ZFAND3: variants seen among roughly 807,000 people sequenced by gnomAD.
ZFAND3 encodes AN1-type zinc finger protein 3.
In ZFAND3, 10 loss-of-function variants were observed where a neutral mutation model predicts 29.6. The observed-to-expected ratio is 0.34, with a 90% CI of 0.21 to 0.57. ZFAND3 has a LOEUF of 0.57. Among genes scored for constraint, ZFAND3 ranks in the 20% least tolerant of loss-of-function variants. ZFAND3 has a pLI of 0.86. For missense variants in ZFAND3, 230 were observed against 304.5 expected (o/e 0.76, Z 1.82); for synonymous variants, 128 against 112.6 (o/e 1.14, Z -0.87).
At chr6:37,882,399 A>G (rs944447274) in intron 1 of ZFAND3, among the ~76,000 whole-genome samples, 1 of 152,002 alleles carries the variant, frequency 6.6e-6, no homozygotes, top group Non-Finnish European at 1.5e-5. Flanking sequence ...TTGCCCAAGG[A>G]TAGGATACTT....
chr6:37,881,830 T>G (rs1764901509), intron 1 of ZFAND3, among the ~76,000 whole-genome samples: 1 of 152,080 alleles, frequency 6.6e-6, no homozygotes, highest in African/African-American at 2.4e-5. Flanking sequence ...CTGTTTGTAT[T>G]TAGAATTTCA....
In ZFAND3 at chr6:37,985,550, C is replaced by T. The variant is rs747405626; in HGVS notation, c.112+55551C>T. 4.6e-5 allele frequency among the ~76,000 whole-genome samples: 7 copies of T among 151,818 alleles called. No individual in the cohort carries two copies. In the South Asian group the frequency reaches 6.3e-4, roughly 14 times the overall value. On this transcript the variant is annotated intron_variant, in intron 2 of 5. Transcript: ENST00000287218. ...ACACCCCCACACACGCCTGGTGGCACGTGCTTGTGGTTCCAGCTACTCAGG... is the reference window on the plus strand; with the variant it reads ...ACACCCCCACACACGCCTGGTGGCATGTGCTTGTGGTTCCAGCTACTCAGG...
intron 3 of ZFAND3, among the ~76,000 whole-genome samples, chr6:38,075,692 A>G (rs1399046597): frequency 6.6e-6 from 1 of 152,224 alleles, no homozygotes; most frequent in Non-Finnish European, 1.5e-5. Context: ...AATGCTGTCA[A>G]ACAGCATTAC....
At chr6:38,074,247 C>T (rs1164797592) in intron 3 of ZFAND3, among the ~76,000 whole-genome samples, 1 of 152,176 alleles carries the variant, frequency 6.6e-6, no homozygotes, top group African/African-American at 2.4e-5. Flanking sequence ...CAGATATAGA[C>T]ATGAAAATCC....
intron 2 of ZFAND3, among the ~76,000 whole-genome samples, chr6:37,985,211 T>C (rs963568011): frequency 1.7e-4 from 26 of 152,136 alleles, no homozygotes; most frequent in African/African-American, 5.8e-4. Context: ...TAGTCACGGC[T>C]TCTTAGGAGG....
At chr6:37,914,254 A>C (rs1761189902) in intron 1 of ZFAND3, among the ~76,000 whole-genome samples, 1 of 152,120 alleles carries the variant, frequency 6.6e-6, no homozygotes, top group Admixed American at 6.5e-5. Flanking sequence ...GTGGGCTTAA[A>C]ATATTCAGTA....
At chr6:38,149,870 A>G (rs560039854) in intron 5 of ZFAND3, among the ~76,000 whole-genome samples, 10 of 152,308 alleles carry the variant, frequency 6.6e-5, no homozygotes, top group Middle Eastern at 3.4e-3. Context: ...GACCTTCTGA[A>G]TCATCCCAAT....
chr6:38,020,498 T>G (rs1763330294), intron 2 of ZFAND3, among the ~76,000 whole-genome samples: 6 of 152,226 alleles, frequency 3.9e-5, no homozygotes, highest in Admixed American at 3.3e-4. Context: ...ATTGCATTAT[T>G]TATAAATAAA....
chr6:38,140,832 A>G lies in ZFAND3; in HGVS notation c.530-11403A>G, dbSNP rs192741964. On this transcript the variant is annotated intron_variant, in intron 5 of 5. Coordinates refer to ENST00000287218, the MANE Select transcript of ZFAND3 (RefSeq NM_021943.3). ...CTATCCATTCAGTAGGGCTTTCACT[A>G]TAGTGTGTAGTCTGACTTCAGATTT... Among the ~76,000 whole-genome samples, 8 of 152,270 alleles carry G rather than the reference A, an allele frequency of 5.3e-5. No homozygotes were observed. The East Asian group carries it at 1.2e-3, about 22-fold the overall frequency.
At chr6:37,989,740 A>G (rs1199658425) in intron 2 of ZFAND3, among the ~76,000 whole-genome samples, 1 of 152,224 alleles carries the variant, frequency 6.6e-6, no homozygotes, top group East Asian at 1.9e-4. Flanking sequence ...AGGAACAGCC[A>G]AGAAGCCAGT....
intron 2 of ZFAND3, among the ~76,000 whole-genome samples, chr6:38,050,644 C>T (rs1764008742): frequency 6.6e-6 from 1 of 152,144 alleles, no homozygotes; most frequent in South Asian, 2.1e-4. Flanking sequence ...CTGAGGCCTT[C>T]CCATCCATGT....
At chr6:38,037,582 G>T (rs985395951) in intron 2 of ZFAND3, among the ~76,000 whole-genome samples, 1 of 152,188 alleles carries the variant, frequency 6.6e-6, no homozygotes, top group Non-Finnish European at 1.5e-5. Flanking sequence ...ACAGGTAAAA[G>T]GTATACATGC....
intron 1 of ZFAND3, among the ~76,000 whole-genome samples, chr6:37,823,805 G>T (rs943878994): frequency 2.0e-5 from 3 of 151,534 alleles, no homozygotes; most frequent in Non-Finnish European, 2.9e-5. Flanking sequence ...TTTTTTTGGG[G>T]GGGGGTAGGA....
chr6:38,020,080 C>T (rs1479865452), intron 2 of ZFAND3, among the ~76,000 whole-genome samples: 1 of 152,182 alleles, frequency 6.6e-6, no homozygotes, highest in Non-Finnish European at 1.5e-5. Context: ...GATGGGCCTG[C>T]ATGGCATAGA....
chr6:37,880,890 T>C (rs1428185302), intron 1 of ZFAND3, among the ~76,000 whole-genome samples: 3 of 146,600 alleles, frequency 2.0e-5, no homozygotes, highest in African/African-American at 5.0e-5. Context: ...AGGGATAGCA[T>C]TGGGAGATAT....
At chr6:37,901,976 T>C (rs910284811) in intron 1 of ZFAND3, among the ~76,000 whole-genome samples, 1 of 152,220 alleles carries the variant, frequency 6.6e-6, no homozygotes, top group South Asian at 2.1e-4. Flanking sequence ...ATGTAACACT[T>C]GTAGCTGTTG....
chr6:38,071,337 A>G (rs1269442390), intron 3 of ZFAND3, among the ~76,000 whole-genome samples: 1 of 151,982 alleles, frequency 6.6e-6, no homozygotes, highest in Non-Finnish European at 1.5e-5. Context: ...TAATACTTTC[A>G]TGGTTTATCT....
chr6:38,086,290 A>G (rs923654879), intron 4 of ZFAND3, among the ~76,000 whole-genome samples: 5 of 152,196 alleles, frequency 3.3e-5, no homozygotes, highest in Admixed American at 2.6e-4. Context: ...CACGATGATC[A>G]TTTTGGTATT....
chr6:38,136,620 G>T (rs557087272), intron 5 of ZFAND3, among the ~76,000 whole-genome samples: 1 of 152,328 alleles, frequency 6.6e-6, no homozygotes, highest in East Asian at 1.9e-4. Flanking sequence ...GTGGGAGGTG[G>T]CAGGCAGTGG....
Sources: gnomAD v4.1 joint callset for allele counts (sites outside exome capture counted in the v4.1 genomes callset) on GRCh38, gnomAD v4.1.1 for gene constraint, MANE v1.5 for transcripts, NCBI Gene and HGNC (gene_info 2026-07-23, HGNC 2026-07-21) for gene names.